The following CREB5 variants were observed in gnomAD, a reference collection of about 807,000 sequenced individuals.
CREB5 encodes cyclic AMP-responsive element-binding protein 5.
In CREB5, 19 loss-of-function variants were observed where a neutral mutation model predicts 57.1. That is an observed-to-expected ratio of 0.33 (90% confidence interval 0.23 to 0.49). The LOEUF (loss-of-function observed/expected upper bound fraction) is 0.49, where lower values mean the gene tolerates loss of function less well. CREB5 is among the 20% of genes least tolerant of loss of function. The pLI is 0.99. For missense variants in CREB5, 579 were observed against 671.6 expected (o/e 0.86, Z 1.52); for synonymous variants, 238 against 238.3 (o/e 1.00, Z 0.01).
chr7:28,665,885 G>T (rs1408603421), intron 5 of CREB5, among the ~76,000 whole-genome samples: 2 of 151,980 alleles, frequency 1.3e-5, no homozygotes, highest in Non-Finnish European at 2.9e-5. Flanking sequence ...GAATTAAGAG[G>T]CAAGTCTAAA....
intron 2 of CREB5, 26 bp from the exon 3 acceptor site, chr7:28,494,880 T>A (rs776313709): frequency 1.4e-6 from 2 of 1,399,096 alleles, no homozygotes; most frequent in South Asian, 1.4e-5. Flanking sequence ...TCTTCTCCCC[T>A]CCCTTTTTTT....
At chr7:28,302,574 A>C (rs1344430234) in intron 1 of CREB5, among the ~76,000 whole-genome samples, 1 of 152,164 alleles carries the variant, frequency 6.6e-6, no homozygotes, top group Non-Finnish European at 1.5e-5. Flanking sequence ...GGAAGCTGAA[A>C]GCCAAAAAGT....
At chr7:28,715,827 T>C (rs1026109137) in intron 5 of CREB5, among the ~76,000 whole-genome samples, 8 of 152,182 alleles carry the variant, frequency 5.3e-5, no homozygotes, top group Admixed American at 5.2e-4. Flanking sequence ...CTTTCCCTTC[T>C]ATACACTACT....
At chr7:28,664,351 C>G (rs992351830) in intron 5 of CREB5, among the ~76,000 whole-genome samples, 1 of 152,142 alleles carries the variant, frequency 6.6e-6, no homozygotes, top group East Asian at 1.9e-4. Flanking sequence ...GATTCTAAAT[C>G]TTTTCCAGTT....
chr7:28,475,707 G>C (rs1791042895), intron 1 of CREB5, among the ~76,000 whole-genome samples: 1 of 152,082 alleles, frequency 6.6e-6, no homozygotes, highest in African/African-American at 2.4e-5. Flanking sequence ...TCTTATCCAG[G>C]TGTCTTCTGA....
chr7:28,601,138 T>C lies in CREB5; in HGVS notation c.464+30601T>C, dbSNP rs140651926. On this transcript the variant is annotated intron_variant, in intron 5 of 10. Transcript: ENST00000357727. The stretch of plus-strand genomic sequence containing the variant: ...GTTGGTCTTCATCTTGGGAGAAAGT[T>C]GGACCTTCCTTCATTTCCCTTATTA... Among the ~76,000 whole-genome samples the C allele has an allele frequency of 9.9e-5, 15 of 152,178 alleles. No individual in the cohort carries two copies. In the East Asian group the frequency reaches 2.9e-3, roughly 29 times the overall value.
intron 5 of CREB5, among the ~76,000 whole-genome samples, chr7:28,680,346 T>C (rs1002145570): frequency 4.6e-5 from 7 of 152,172 alleles, no homozygotes; most frequent in Non-Finnish European, 1.0e-4. Context: ...TCTGAGCCAG[T>C]CTTGATCAGC....
rs535305405 is a variant in CREB5, at chr7:28,644,209, G to A, written c.464+73672G>A. Among the ~76,000 whole-genome samples, 5 of 151,406 alleles carry A rather than the reference G, an allele frequency of 3.3e-5. No homozygotes were observed. The South Asian group carries it at 6.3e-4, about 19-fold the overall frequency. On this transcript the variant is annotated intron_variant, in intron 5 of 10. Coordinates refer to ENST00000357727, the MANE Select transcript of CREB5 (RefSeq NM_182898.4). Reference sequence around the variant, plus strand: ...GGAAAGGAAGGGAAGGGAAGGGAAGGGGAGTTCCTGTAATGTAGCTGAGTG... The same window carrying A: ...GGAAAGGAAGGGAAGGGAAGGGAAGAGGAGTTCCTGTAATGTAGCTGAGTG...
intron 1 of CREB5, among the ~76,000 whole-genome samples, chr7:28,310,625 G>T (rs1359821638): frequency 6.6e-6 from 1 of 152,168 alleles, no homozygotes; most frequent in East Asian, 1.9e-4. Flanking sequence ...ATTTGTCTAA[G>T]GATTTTTAAA....
chr7:28,500,422 A>G (rs1000134143), intron 3 of CREB5, among the ~76,000 whole-genome samples: 12 of 152,294 alleles, frequency 7.9e-5, no homozygotes, highest in African/African-American at 2.6e-4. Flanking sequence ...GGCAGGAAAG[A>G]CTGGCTTCTT....
At chr7:28,801,123 G>A (rs115917580) in intron 7 of CREB5, among the ~76,000 whole-genome samples, 50 of 152,246 alleles carry the variant, frequency 3.3e-4, no homozygotes, top group African/African-American at 1.2e-3. Context: ...TATTGCTAAA[G>A]GGACAAAAAG....
At chr7:28,617,601 A>G (rs1171711629) in intron 5 of CREB5, among the ~76,000 whole-genome samples, 2 of 152,218 alleles carry the variant, frequency 1.3e-5, no homozygotes, top group Non-Finnish European at 2.9e-5. Flanking sequence ...ACTAAGAGCA[A>G]TGGGGGCTTC....
chr7:28,387,116 T>A (rs993702671), intron 1 of CREB5, among the ~76,000 whole-genome samples: 5 of 152,234 alleles, frequency 3.3e-5, no homozygotes, highest in Non-Finnish European at 7.3e-5. Flanking sequence ...CTGGGTCAAA[T>A]GGTATTTCTA....
At chr7:28,753,850 A>G (rs1320918378) in intron 7 of CREB5, among the ~76,000 whole-genome samples, 1 of 152,160 alleles carries the variant, frequency 6.6e-6, no homozygotes, top group Non-Finnish European at 1.5e-5. Context: ...TAGAAAATAC[A>G]TAGGATGTAA....
At chr7:28,750,202 C>T (rs1217230946) in intron 7 of CREB5, among the ~76,000 whole-genome samples, 7 of 152,068 alleles carry the variant, frequency 4.6e-5, no homozygotes, top group Non-Finnish European at 1.0e-4. Flanking sequence ...CAGCCCCCAG[C>T]CCCCAGCCCC....
chr7:28,452,637 G>A lies in CREB5; in HGVS notation c.4-35538G>A, dbSNP rs200778577. ...CATCCCTAGACCTGCAGGAGCAGGG[G>A]AGGGAATGGTGTTCCTAGAGCCCCA... On this transcript the variant is annotated intron_variant, in intron 1 of 10. Coordinates refer to ENST00000357727, the MANE Select transcript of CREB5 (RefSeq NM_182898.4). Among the ~76,000 whole-genome samples the A allele has an allele frequency of 3.3e-5, 5 of 152,302 alleles. No homozygotes were observed. In the East Asian group the frequency reaches 9.7e-4, roughly 29 times the overall value.
At chr7:28,766,052 A>G (rs1583696633) in intron 7 of CREB5, among the ~76,000 whole-genome samples, 1 of 151,002 alleles carries the variant, frequency 6.6e-6, no homozygotes, top group East Asian at 2.0e-4. Flanking sequence ...ACATTTTTTC[A>G]GAGTGTAAAA....
At chr7:28,480,463 C>T (rs1290958965) in intron 1 of CREB5, among the ~76,000 whole-genome samples, 1 of 152,160 alleles carries the variant, frequency 6.6e-6, no homozygotes, top group Non-Finnish European at 1.5e-5. Flanking sequence ...ATGACAGGGT[C>T]GACCTAAACC....
chr7:28,453,445 A>G (rs773614912), intron 1 of CREB5, among the ~76,000 whole-genome samples: 30 of 152,200 alleles, frequency 2.0e-4, no homozygotes, highest in Non-Finnish European at 3.4e-4. Flanking sequence ...TCTCAAAACA[A>G]CAACAACAAC....
Sources: allele counts gnomAD v4.1 joint callset (sites outside exome capture counted in the v4.1 genomes callset), GRCh38; gene constraint gnomAD v4.1.1; transcripts MANE v1.5; gene names NCBI Gene and HGNC (gene_info 2026-07-23, HGNC 2026-07-21).